FREM2: variants seen among roughly 807,000 people sequenced by gnomAD.
The protein encoded by FREM2 is FRAS1 related extracellular matrix 2, also known as FRAS1-related extracellular matrix protein 2.
Under a neutral mutation model 219.9 loss-of-function variants are expected in FREM2, and 119 were observed. That is an observed-to-expected ratio of 0.54 (90% CI 0.47 to 0.63). FREM2 has a LOEUF of 0.63. Among genes scored for constraint, FREM2 ranks in the 30% least tolerant of loss-of-function variants. The probability of loss-of-function intolerance (pLI) is 0.00; values close to 1 mark genes in which losing one functional copy is unlikely to be tolerated. For synonymous variants in FREM2, 1,562 were observed against 1,522.8 expected (o/e 1.03, Z -0.60); for missense variants, 4,030 against 3,993.6 (o/e 1.01, Z -0.25).
In FREM2 at chr13:38,874,482, G is replaced by T; in HGVS notation, c.8177G>T (p.Gly2726Val). 6.2e-7 allele frequency: 1 copy of T among 1,613,212 alleles called. No individual in the cohort carries two copies. Among genetic ancestry groups the T allele is most frequent in the Non-Finnish European group, 8.5e-7 (1 of 1,179,192 alleles). ...IGSPPEAELQ[G>V]SLYPTSMRIG... ...ATTCTTGGTACTCTCCCCATTATAGGTTCTCTCTATCCAACCAGCATGCGC... is the reference window on the plus strand; with the variant it reads ...ATTCTTGGTACTCTCCCCATTATAGTTTCTCTCTATCCAACCAGCATGCGC... Residue 2726 changes from glycine to valine, a missense_variant and splice_region_variant, in exon 18 of 24, where the codon GGT becomes GTT. Coordinates refer to ENST00000280481, the MANE Select transcript of FREM2 (RefSeq NM_207361.6).
Position 38,864,594 on chromosome 13 carries a change from A to G in FREM2, c.7971A>G (p.Gly2657=), listed in dbSNP as rs1877890128. 6.2e-7 allele frequency: 1 copy of G among 1,614,052 alleles called. No homozygotes were observed. The highest frequency in any genetic ancestry group is 1.1e-5 in the South Asian group (1 of 91,082). The change falls in exon 16 of 24, where the codon GGA becomes GGG. Residue 2657 remains glycine, a synonymous_variant. Transcript: ENST00000280481. Reference sequence around the variant, plus strand: ...TTGCTGACTGTGGTGGCACCATTGGAACAGATGGACAGGTACAGATTTATA... The same window carrying G: ...TTGCTGACTGTGGTGGCACCATTGGGACAGATGGACAGGTACAGATTTATA... ...ELLADCGGTI[G]TDGQVLNLVQ...
chr13:38,867,462 T>C (rs937720766), intron 16 of FREM2, among the ~76,000 whole-genome samples: 3 of 152,220 alleles, frequency 2.0e-5, no homozygotes, highest in Non-Finnish European at 2.9e-5. Flanking sequence ...TAATAAAACA[T>C]GTTGCTTACT....
chr13:38,788,058 G>T (rs981614046), intron 6 of FREM2, among the ~76,000 whole-genome samples: 1 of 152,060 alleles, frequency 6.6e-6, no homozygotes, highest in Admixed American at 6.6e-5. Flanking sequence ...GCCCATTAGG[G>T]CCTCTACTGT....
At chr13:38,774,902 T>A (rs188165654) in intron 4 of FREM2, among the ~76,000 whole-genome samples, 18 of 152,328 alleles carry the variant, frequency 1.2e-4, no homozygotes, top group Admixed American at 9.2e-4. Flanking sequence ...CAACTTCTGA[T>A]AGAAACTGAG....
chr13:38,838,693 G>T (rs567646564), intron 6 of FREM2, among the ~76,000 whole-genome samples: 1 of 152,032 alleles, frequency 6.6e-6, no homozygotes, highest in Non-Finnish European at 1.5e-5. Flanking sequence ...TTGTCTTCAC[G>T]CTTTATTTCA....
At chr13:38,798,187 A>G (rs1874867129) in intron 6 of FREM2, among the ~76,000 whole-genome samples, 1 of 151,942 alleles carries the variant, frequency 6.6e-6, no homozygotes, top group Non-Finnish European at 1.5e-5. Flanking sequence ...ATTATGATGG[A>G]TGTTTAATTT....
At chr13:38,753,423 C>G (rs2218720) in intron 2 of FREM2, among the ~76,000 whole-genome samples, 1 of 152,128 alleles carries the variant, frequency 6.6e-6, no homozygotes, top group Non-Finnish European at 1.5e-5. Context: ...TCACATCCCA[C>G]CCTTTCTGAA....
At chr13:38,830,753 C>G (rs904806542) in intron 6 of FREM2, among the ~76,000 whole-genome samples, 2 of 146,846 alleles carry the variant, frequency 1.4e-5, no homozygotes, top group African/African-American at 2.7e-5. Context: ...TGCTGCCAAG[C>G]ATTGAAGGTC....
intron 6 of FREM2, among the ~76,000 whole-genome samples, chr13:38,814,132 A>T (rs1875658299): frequency 6.6e-6 from 1 of 152,088 alleles, no homozygotes; most frequent in African/African-American, 2.4e-5. Flanking sequence ...AGTCTCTTCA[A>T]AATAGCTCTT....
intron 6 of FREM2, among the ~76,000 whole-genome samples, chr13:38,825,389 A>G (rs969312821): frequency 6.6e-6 from 1 of 152,014 alleles, no homozygotes; most frequent in Admixed American, 6.6e-5. Flanking sequence ...TACTGTTTTT[A>G]TAATATACAA....
chr13:38,830,273 C>T (rs1206116880), intron 6 of FREM2, among the ~76,000 whole-genome samples: 1 of 152,138 alleles, frequency 6.6e-6, no homozygotes, highest in Non-Finnish European at 1.5e-5. Context: ...AAAAAGCTGG[C>T]CAGTTGATCA....
chr13:38,754,886 G>GATT (rs1491523407), intron 2 of FREM2, among the ~76,000 whole-genome samples: 2,489 of 82,516 alleles, frequency 0.03, 34 homozygotes, highest in Middle Eastern at 0.071. Context: ...TGATGATGAT[G>GATT]ATGATGATGA....
chr13:38,828,746 T>A (rs978166498), intron 6 of FREM2, among the ~76,000 whole-genome samples: 2 of 151,954 alleles, frequency 1.3e-5, no homozygotes, highest in South Asian at 4.2e-4. Context: ...AAAAAAAATT[T>A]TAAGAGACTA....
intron 2 of FREM2, among the ~76,000 whole-genome samples, chr13:38,740,827 A>AGT (rs1259570835): frequency 6.6e-6 from 1 of 152,218 alleles, no homozygotes; most frequent in Non-Finnish European, 1.5e-5. Context: ...CCCTTTTATT[A>AGT]GTGGTTACTG....
At chr13:38,821,455 G>A (rs1004214513) in intron 6 of FREM2, among the ~76,000 whole-genome samples, 1 of 151,994 alleles carries the variant, frequency 6.6e-6, no homozygotes. Flanking sequence ...AACTAAAAAT[G>A]CCTTCTTTCT....
intron 16 of FREM2, among the ~76,000 whole-genome samples, chr13:38,865,484 A>G (rs1472664855): frequency 6.6e-6 from 1 of 152,256 alleles, no homozygotes; most frequent in East Asian, 1.9e-4. Flanking sequence ...AATGATATAT[A>G]GACTATATAA....
Position 38,828,001 on chromosome 13 carries a change from G to C in FREM2, c.6020-18572G>C, listed in dbSNP as rs146408754. Among the ~76,000 whole-genome samples the C allele has an allele frequency of 4.5e-3, 688 of 152,258 alleles. 6 individuals are homozygous for C. Among genetic ancestry groups the C allele is most frequent in the African/African-American group, 0.016 (667 of 41,566 alleles). The stretch of plus-strand genomic sequence containing the variant: ...CACAAACTTATTACATGAGTACCAA[G>C]AAGGAGTCTTGTCATCTTCCTCACG... On this transcript the variant is annotated intron_variant, in intron 6 of 23. Transcript: ENST00000280481.
intron 4 of FREM2, among the ~76,000 whole-genome samples, chr13:38,775,791 G>C (rs1422081498): frequency 2.6e-5 from 4 of 152,080 alleles, no homozygotes; most frequent in African/African-American, 7.2e-5. Context: ...GCTAATTTTT[G>C]TATTTTTAGT....
At chr13:38,760,401 C>G (rs2078788169) in intron 2 of FREM2, among the ~76,000 whole-genome samples, 1 of 152,054 alleles carries the variant, frequency 6.6e-6, no homozygotes, top group African/African-American at 2.4e-5. Context: ...TAGGCACAAA[C>G]CTGAAAATAA....
Sources: gnomAD v4.1 joint callset for allele counts (sites outside exome capture counted in the v4.1 genomes callset) on GRCh38, gnomAD v4.1.1 for gene constraint, MANE v1.5 for transcripts, NCBI Gene and HGNC (gene_info 2026-07-23, HGNC 2026-07-21) for gene names.